The following COL11A1 variants were observed in gnomAD, a reference collection of about 807,000 sequenced individuals.
The protein encoded by COL11A1 is collagen type XI alpha 1 chain.
COL11A1 carries 74 observed loss-of-function variants against 265.2 expected under a neutral mutation model. The observed-to-expected ratio is 0.28, with a 90% CI of 0.23 to 0.34. The LOEUF (loss-of-function observed/expected upper bound fraction) is 0.34, where lower values mean the gene tolerates loss of function less well. COL11A1 is among the 10% of genes least tolerant of loss of function. The pLI is 1.00. For missense variants in COL11A1, 2,165 were observed against 2,263.6 expected, an observed-to-expected ratio of 0.96 and a Z score of 0.88; for synonymous variants, 816 against 727.6, an observed-to-expected ratio of 1.12 and a Z score of -1.96.
At chr1:102,996,124 C>A in intron 26 of COL11A1, 82 bp from the exon 27 acceptor site, 1 of 1,396,518 alleles carries the variant, frequency 7.2e-7, no homozygotes, top group Non-Finnish European at 1.0e-6. Flanking sequence ...ACCAACTAAT[C>A]TACAAGGATA....
intron 4 of COL11A1, among the ~76,000 whole-genome samples, chr1:103,040,603 C>T (rs771379450): frequency 6.6e-6 from 1 of 151,444 alleles, no homozygotes. Context: ...ACAGTTTGAT[C>T]CCCCTCCCAA....
intron 4 of COL11A1, among the ~76,000 whole-genome samples, chr1:103,074,188 C>A (rs1016061171): frequency 6.6e-6 from 1 of 151,852 alleles, no homozygotes; most frequent in South Asian, 2.1e-4. Context: ...TTATATTTTG[C>A]AATATGATCT....
intron 54 of COL11A1, among the ~76,000 whole-genome samples, chr1:102,905,535 C>T (rs1436902636): frequency 6.9e-6 from 1 of 145,816 alleles, no homozygotes; most frequent in African/African-American, 2.5e-5. Context: ...AAAAAAAGTG[C>T]TGGGATCGTG....
At chr1:103,063,799 A>G (rs1043682864) in intron 4 of COL11A1, among the ~76,000 whole-genome samples, 1 of 152,226 alleles carries the variant, frequency 6.6e-6, no homozygotes, top group African/African-American at 2.4e-5. Flanking sequence ...ATGTGTTTGC[A>G]AAAGACATAC....
chr1:103,048,921 C>T (rs973305026), intron 4 of COL11A1, among the ~76,000 whole-genome samples: 1 of 152,142 alleles, frequency 6.6e-6, no homozygotes. Flanking sequence ...GAGTGAGTTT[C>T]TTAATCCTGG....
In COL11A1 at chr1:102,876,647, C is replaced by A. The variant is rs377521609; in HGVS notation, c.*1372G>T. On this transcript the variant is annotated 3_prime_UTR_variant, in exon 67 of 67. Transcript: ENST00000370096. ...TCAGTTGAAACTGTTCCAGTGAAAT[C>A]TGGTATCAATTAATTTAACACTTTA... 9.8e-5 allele frequency: 15 copies of A among 152,524 alleles called. No individual in the cohort carries two copies. The South Asian group carries it at 3.1e-3, about 32-fold the overall frequency. 9.4% of individuals were successfully genotyped at this position (152,524 alleles called of 1,614,324 possible). A position where few individuals can be genotyped will look rare whatever the true frequency, so the allele number is the denominator to read the frequency against.
chr1:103,104,193 A>C (rs1388648663), intron 1 of COL11A1, among the ~76,000 whole-genome samples: 1 of 152,008 alleles, frequency 6.6e-6, no homozygotes, highest in Non-Finnish European at 1.5e-5. Context: ...TCTCAACCAA[A>C]CTTGATTTAA....
intron 50 of COL11A1, 45 bp from the exon 51 acceptor site, chr1:102,914,856 G>A (rs1655131205): frequency 2.7e-6 from 4 of 1,462,530 alleles, no homozygotes; most frequent in African/African-American, 2.8e-5. Flanking sequence ...GGAAAGAAGA[G>A]TTATCTTACA....
intron 30 of COL11A1, among the ~76,000 whole-genome samples, chr1:102,987,274 A>G (rs1303416395): frequency 1.3e-5 from 2 of 151,852 alleles, no homozygotes; most frequent in Admixed American, 1.3e-4. Context: ...ATATGTATGT[A>G]TATGAAAGAA....
intron 4 of COL11A1, among the ~76,000 whole-genome samples, chr1:103,038,485 C>A (rs997986361): frequency 6.7e-6 from 1 of 148,776 alleles, no homozygotes; most frequent in Admixed American, 6.7e-5. Flanking sequence ...AGAGAGAGAG[C>A]GAGAGAGAGA....
At chr1:102,887,097 G>A in intron 62 of COL11A1, 41 bp from the exon 63 acceptor site, 1 of 1,611,324 alleles carries the variant, frequency 6.2e-7, no homozygotes, top group Non-Finnish European at 8.5e-7. Context: ...TTCATAAAGT[G>A]GAATATTCTG....
Position 102,898,954 on chromosome 1 carries a change from T to C in COL11A1, c.4127A>G (p.Glu1376Gly). Reference protein sequence around the residue: ...GAAGAEGRQGEKGAKGEAGAE... With the variant: ...GAAGAEGRQGGKGAKGEAGAE... ...TTTTTTTTTTACCTTAGCACCTTTT[T>C]CACCTTGTCTTCCCTCTGCACCTGC... Residue 1376 changes from glutamate (E) to glycine (G), a missense_variant, in exon 55 of 67, where the codon GAA (glutamate) becomes GGA (glycine). Coordinates refer to ENST00000370096, the MANE Select transcript of COL11A1 (RefSeq NM_001854.4). 1 of 1,532,938 alleles carries C rather than the reference T, an allele frequency of 6.5e-7. No individual in the cohort carries two copies. The allele number at this position is 1,532,938 out of a possible 1,614,324, so 95.0% of individuals were successfully genotyped here.
intron 14 of COL11A1, among the ~76,000 whole-genome samples, chr1:103,010,349 T>C (rs890969798): frequency 8.5e-5 from 13 of 152,200 alleles, no homozygotes; most frequent in African/African-American, 3.1e-4. Context: ...TGTTTTGAAA[T>C]GGTAAAAAGA....
At chr1:102,966,017 ATAGT>A (rs1322054638) in intron 37 of COL11A1, among the ~76,000 whole-genome samples, 3 of 152,220 alleles carry the variant, frequency 2.0e-5, no homozygotes, top group Admixed American at 6.5e-5. Context: ...AATGCTTTGC[ATAGT>A]TAGTAATTAT....
At position 103,060,854 on chromosome 1, in the gene COL11A1, C is replaced by T. The variant is rs895416870; in HGVS notation, c.651+13764G>A. Among the ~76,000 whole-genome samples the T allele has an allele frequency of 5.1e-4, 77 of 151,638 alleles. 1 individual carries two copies. The highest frequency in any genetic ancestry group is 7.4e-5 in the Non-Finnish European group (5 of 67,928). ...GTGGTACTGGAAGGATCACCTGAGC[C>T]CAGGGTAATAAATGGAACATAATAA... is the stretch of plus-strand genomic sequence containing the variant. On this transcript the variant is annotated intron_variant, in intron 4 of 66. Coordinates refer to ENST00000370096, the MANE Select transcript of COL11A1 (RefSeq NM_001854.4).
At chr1:102,969,637 A>G (rs549323877) in intron 37 of COL11A1, among the ~76,000 whole-genome samples, 7 of 152,308 alleles carry the variant, frequency 4.6e-5, no homozygotes, top group Admixed American at 4.6e-4. Context: ...TGTTCAGTCA[A>G]TTTGTTTACT....
chr1:103,060,128 T>C (rs1334808777), intron 4 of COL11A1, among the ~76,000 whole-genome samples: 1 of 152,022 alleles, frequency 6.6e-6, no homozygotes, highest in Non-Finnish European at 1.5e-5. Context: ...AAAACCAACT[T>C]ACCTATACAA....
intron 4 of COL11A1, among the ~76,000 whole-genome samples, chr1:103,032,287 T>C (rs1310576090): frequency 6.6e-6 from 1 of 152,088 alleles, no homozygotes; most frequent in Admixed American, 6.6e-5. Context: ...TATTTAGAAC[T>C]TGATAAAAAT....
intron 1 of COL11A1, among the ~76,000 whole-genome samples, chr1:103,087,246 T>A (rs1672950214): frequency 6.6e-6 from 1 of 152,194 alleles, no homozygotes; most frequent in Non-Finnish European, 1.5e-5. Flanking sequence ...TTTGTTCAAT[T>A]ATATTTTCCT....
Sources: allele counts gnomAD v4.1 joint callset (sites outside exome capture counted in the v4.1 genomes callset), GRCh38; gene constraint gnomAD v4.1.1; transcripts MANE v1.5; gene names NCBI Gene and HGNC (gene_info 2026-07-23, HGNC 2026-07-21).